VPS8: variants seen among roughly 807,000 people sequenced by gnomAD.
VPS8 encodes vacuolar protein sorting-associated protein 8 homolog.
VPS8 carries 129 observed loss-of-function variants against 216.4 expected under a neutral mutation model. The ratio of observed to expected loss-of-function variants is 0.60; its 90% confidence interval spans 0.52 to 0.69. VPS8 has a LOEUF of 0.69. VPS8 is among the 30% of genes least tolerant of loss of function. The pLI is 0.00. For missense variants in VPS8, 1,531 were observed against 1,683.5 expected, an observed-to-expected ratio of 0.91 and a Z score of 1.59; for synonymous variants, 571 against 565.4, an observed-to-expected ratio of 1.01 and a Z score of -0.14.
At chr3:184,922,559 C>T (rs1014852660) in intron 29 of VPS8, 10 of 361,276 alleles carry the variant, frequency 2.8e-5, no homozygotes, top group East Asian at 1.6e-4. Flanking sequence ...GAGAAAGCTC[C>T]GTAAGTATTT....
At chr3:184,883,826 A>G (rs1274624510) in intron 21 of VPS8, among the ~76,000 whole-genome samples, 1 of 152,206 alleles carries the variant, frequency 6.6e-6, no homozygotes, top group Non-Finnish European at 1.5e-5. Flanking sequence ...ATTATTTTAA[A>G]TATACTTTAA....
intron 46 of VPS8, among the ~76,000 whole-genome samples, chr3:185,042,810 A>G (rs1321494646): frequency 6.6e-6 from 1 of 152,160 alleles, no homozygotes; most frequent in Non-Finnish European, 1.5e-5. Context: ...ATATAATGAG[A>G]TGATCAGCTT....
chr3:184,889,641 A>G (rs1340971537), intron 22 of VPS8, among the ~76,000 whole-genome samples: 2 of 151,858 alleles, frequency 1.3e-5, no homozygotes, highest in East Asian at 1.9e-4. Context: ...TCTTTCCCTA[A>G]TTCTACTCTT....
chr3:185,036,725 C>T (rs1758953674), intron 46 of VPS8, among the ~76,000 whole-genome samples: 1 of 151,534 alleles, frequency 6.6e-6, no homozygotes, highest in South Asian at 2.1e-4. Context: ...TGGTATTGCA[C>T]ATACCACAAA....
chr3:184,995,056 C>G (rs4686943), intron 43 of VPS8, among the ~76,000 whole-genome samples: 101,900 of 152,160 alleles, frequency 0.67, 36,928 homozygotes, highest in East Asian at 0.83. Context: ...CACTGGGTCC[C>G]TCCCACCACA....
intron 37 of VPS8, among the ~76,000 whole-genome samples, chr3:184,962,118 A>G (rs1336566656): frequency 1.3e-5 from 2 of 152,130 alleles, no homozygotes; most frequent in Non-Finnish European, 2.9e-5. Flanking sequence ...CATTCATTTA[A>G]TGATCTTACG....
chr3:184,927,715 A>G (rs2109208442), intron 31 of VPS8, among the ~76,000 whole-genome samples: 1 of 152,252 alleles, frequency 6.6e-6, no homozygotes, highest in East Asian at 1.9e-4. Context: ...TACCATACCA[A>G]TTAAATCATA....
Position 184,862,957 on chromosome 3 carries a change from C to A in VPS8, c.1285C>A (p.Arg429=). The A allele has an allele frequency of 1.2e-6, 2 of 1,613,840 alleles. No homozygotes were observed. Among genetic ancestry groups the A allele is most frequent in the Non-Finnish European group, 1.7e-6 (2 of 1,179,808 alleles). The change falls in exon 16 of 48, where the codon CGG becomes AGG. Residue 429 remains arginine (R), a synonymous_variant. Coordinates refer to ENST00000625842, the MANE Select transcript of VPS8 (RefSeq NM_001009921.3). ...CGTAGAGAAGTTGCATGTGATTGATCGGCAAACACAAGAGGAATTGGAGAC... is the reference window on the plus strand; with the variant it reads ...CGTAGAGAAGTTGCATGTGATTGATAGGCAAACACAAGAGGAATTGGAGAC... ...DSVEKLHVID[R]QTQEELETVE...
At chr3:184,971,202 T>G (rs1029571614) in intron 39 of VPS8, among the ~76,000 whole-genome samples, 1 of 152,184 alleles carries the variant, frequency 6.6e-6, no homozygotes, top group Admixed American at 6.5e-5. Context: ...TTGAAAGTTA[T>G]GAACAAAGAT....
chr3:184,869,634 A>G, intron 20 of VPS8, 106 bp downstream of exon 20: 2 of 1,152,642 alleles, frequency 1.7e-6, no homozygotes, highest in Non-Finnish European at 2.5e-6. Flanking sequence ...TCTAGAAGAG[A>G]GTGTATTAAA....
intron 1 of VPS8, among the ~76,000 whole-genome samples, chr3:184,823,453 C>T (rs533413951): frequency 6.6e-6 from 1 of 152,302 alleles, no homozygotes; most frequent in Non-Finnish European, 1.5e-5. Flanking sequence ...CTAAGAGAAG[C>T]TCACTGCAGG....
At chr3:184,941,761 A>G (rs1476534848) in intron 36 of VPS8, among the ~76,000 whole-genome samples, 1 of 151,950 alleles carries the variant, frequency 6.6e-6, no homozygotes, top group Non-Finnish European at 1.5e-5. Flanking sequence ...TGCCCTTAGG[A>G]TAATTTATTT....
At chr3:184,832,606 C>A in intron 3 of VPS8, 83 bp from the exon 4 acceptor site, 1 of 1,270,718 alleles carries the variant, frequency 7.9e-7, no homozygotes, top group Non-Finnish European at 1.1e-6. Context: ...CACTTGTGTG[C>A]TCTGGAGAAA....
intron 22 of VPS8, among the ~76,000 whole-genome samples, chr3:184,887,861 G>A (rs1156966568): frequency 1.3e-5 from 2 of 152,166 alleles, no homozygotes; most frequent in African/African-American, 2.4e-5. Context: ...CTTTGATGAA[G>A]TCATAGATAG....
At chr3:184,816,725 C>CTTGTTT (rs1025393263) in intron 1 of VPS8, among the ~76,000 whole-genome samples, 10 of 152,312 alleles carry the variant, frequency 6.6e-5, no homozygotes, top group African/African-American at 2.4e-4. Flanking sequence ...ACGGCCAGAT[C>CTTGTTT]TTGTTTTTCC....
intron 21 of VPS8, among the ~76,000 whole-genome samples, chr3:184,878,050 G>A (rs941643392): frequency 6.6e-6 from 1 of 151,812 alleles, no homozygotes; most frequent in South Asian, 2.1e-4. Context: ...AAATAATGAG[G>A]CATTTTAATG....
chr3:184,937,294 C>G (rs1741815090), intron 35 of VPS8, among the ~76,000 whole-genome samples: 1 of 152,068 alleles, frequency 6.6e-6, no homozygotes, highest in Admixed American at 6.5e-5. Context: ...AGGACAATGA[C>G]AGGGACATGA....
At chr3:184,840,483 C>T (rs1721922775) in intron 7 of VPS8, 1 of 151,730 alleles carries the variant, frequency 6.6e-6, no homozygotes, top group African/African-American at 2.4e-5. Flanking sequence ...GGTGGATCAC[C>T]TGAGTTGAGG....
Position 184,915,035 on chromosome 3 carries a change from T to G in VPS8, c.2244T>G (p.Val748=), listed in dbSNP as rs1737283765. Residue 748 remains valine, a synonymous_variant, in exon 27 of 48, where the codon GTT becomes GTG. Transcript: ENST00000625842. ...YPLGDIPEDL[V]PLVKNQVFEF... is the part of the protein sequence containing the mutation. Reference sequence around the variant, plus strand: ...TTGGTGACATCCCTGAAGATCTGGTTCCCTTGGTTAAAAACCAGGTTGGTA... The same window carrying G: ...TTGGTGACATCCCTGAAGATCTGGTGCCCTTGGTTAAAAACCAGGTTGGTA... The G allele has an allele frequency of 6.2e-7, 1 of 1,613,900 alleles. No homozygotes were observed. Among genetic ancestry groups the G allele is most frequent in the African/African-American group, 1.3e-5 (1 of 74,938 alleles).
Sources: allele counts gnomAD v4.1 joint callset (sites outside exome capture counted in the v4.1 genomes callset), GRCh38; gene constraint gnomAD v4.1.1; transcripts MANE v1.5; gene names NCBI Gene and HGNC (gene_info 2026-07-23, HGNC 2026-07-21).